Variants in ADAMTS17 observed in about 807,000 individuals in gnomAD.
ADAMTS17 encodes A disintegrin and metalloproteinase with thrombospondin motifs 17.
In ADAMTS17, 113 loss-of-function variants were observed where a neutral mutation model predicts 141.5. That is an observed-to-expected ratio of 0.80 (90% confidence interval 0.69 to 0.93). ADAMTS17 has a LOEUF of 0.93. Among genes scored for constraint, ADAMTS17 ranks in the 40% least tolerant of loss-of-function variants. The probability of loss-of-function intolerance (pLI) is 0.00; values close to 1 mark genes in which losing one functional copy is unlikely to be tolerated. For missense variants in ADAMTS17, 1,659 were observed against 1,517.9 expected, an observed-to-expected ratio of 1.09 and a Z score of -1.54; for synonymous variants, 768 against 630.6, an observed-to-expected ratio of 1.22 and a Z score of -3.27.
chr15:100,334,351 C>A (rs2046143829), intron 2 of ADAMTS17, among the ~76,000 whole-genome samples: 1 of 152,200 alleles, frequency 6.6e-6, no homozygotes, highest in Non-Finnish European at 1.5e-5. Context: ...TCCACAAAGA[C>A]CGCAATGGAA....
Position 100,034,392 on chromosome 15 carries a change from C to T in ADAMTS17, c.2591+14465G>A, listed in dbSNP as rs528063180. On this transcript the variant is annotated intron_variant, in intron 18 of 21. Coordinates refer to ENST00000268070, the MANE Select transcript of ADAMTS17 (RefSeq NM_139057.4). ...GTGCTGTGGGAGGCAGTGCTGTGACCGTGGTCACTGTGTACACAGTGCAGA... is the reference window on the plus strand; with the variant it reads ...GTGCTGTGGGAGGCAGTGCTGTGACTGTGGTCACTGTGTACACAGTGCAGA... 2.3e-4 allele frequency among the ~76,000 whole-genome samples: 35 copies of T among 152,318 alleles called. No individual in the cohort carries two copies. In the South Asian group the frequency reaches 6.2e-3, roughly 27 times the overall value.
At chr15:99,986,456 G>A (rs1222772972) in intron 20 of ADAMTS17, among the ~76,000 whole-genome samples, 7 of 152,100 alleles carry the variant, frequency 4.6e-5, no homozygotes, top group South Asian at 2.1e-4. Flanking sequence ...CATTTGATTC[G>A]AAAGGCCTCT....
At chr15:100,299,818 A>C (rs1322864851) in intron 3 of ADAMTS17, among the ~76,000 whole-genome samples, 1 of 151,956 alleles carries the variant, frequency 6.6e-6, no homozygotes, top group Non-Finnish European at 1.5e-5. Context: ...CTTTAACACA[A>C]AGCCACCTCT....
chr15:100,123,593 A>G (rs568352235), intron 12 of ADAMTS17, among the ~76,000 whole-genome samples: 2 of 152,232 alleles, frequency 1.3e-5, no homozygotes, highest in Non-Finnish European at 2.9e-5. Flanking sequence ...TCACATAAAC[A>G]GTGATCATAA....
intron 15 of ADAMTS17, among the ~76,000 whole-genome samples, chr15:100,073,581 C>T (rs986172607): frequency 2.0e-5 from 3 of 151,686 alleles, no homozygotes; most frequent in African/African-American, 7.3e-5. Flanking sequence ...TACTATGCAG[C>T]CATAAAAAAT....
chr15:100,318,828 C>T (rs2045643078), intron 3 of ADAMTS17, among the ~76,000 whole-genome samples: 1 of 152,366 alleles, frequency 6.6e-6, no homozygotes, highest in African/African-American at 2.4e-5. Context: ...TGTTAACCTA[C>T]AACACGGAGA....
At chr15:100,150,874 T>C (rs1003001907) in intron 10 of ADAMTS17, among the ~76,000 whole-genome samples, 2 of 152,024 alleles carry the variant, frequency 1.3e-5, no homozygotes, top group Non-Finnish European at 2.9e-5. Context: ...CCACACAATC[T>C]CATGCTGTCT....
chr15:100,221,143 G>GT lies in ADAMTS17; in HGVS notation c.1076-21721dup, dbSNP rs147404775. On this transcript the variant is annotated intron_variant, in intron 7 of 21. Transcript: ENST00000268070. ...CAGTTTGACGGGCAAACGCTTATGT[G>GT]TTTTTTTTTTAAACAGTGACACCTA... is the stretch of plus-strand genomic sequence containing the variant. Among the ~76,000 whole-genome samples the GT allele has an allele frequency of 3.5e-3, 526 of 149,130 alleles. 2 individuals are homozygous for GT. The highest frequency in any genetic ancestry group is 0.01 in the Middle Eastern group (3 of 288).
intron 6 of ADAMTS17, 146 bp downstream of exon 6, chr15:100,261,333 A>T (rs2043508867): frequency 9.9e-7 from 1 of 1,007,698 alleles, no homozygotes; most frequent in Non-Finnish European, 1.5e-6. Flanking sequence ...GTTAACCCCC[A>T]CTTACTAATG....
chr15:100,262,602 T>G (rs1288355662), intron 4 of ADAMTS17, among the ~76,000 whole-genome samples, 167 bp from the exon 5 acceptor site: 2 of 152,110 alleles, frequency 1.3e-5, no homozygotes, highest in Non-Finnish European at 2.9e-5. Context: ...ATTGGTGCAT[T>G]AATTACAAGA....
chr15:100,171,742 C>T (rs951225548), intron 8 of ADAMTS17, among the ~76,000 whole-genome samples: 18 of 152,170 alleles, frequency 1.2e-4, no homozygotes, highest in Admixed American at 9.8e-4. Context: ...CCAGAACCTC[C>T]CGGCAGCCTG....
chr15:99,976,519 T>G, intron 20 of ADAMTS17: 1 of 566,052 alleles, frequency 1.8e-6, no homozygotes, highest in Admixed American at 3.0e-5. Context: ...AGCTGCCTGA[T>G]AGAAGACTGT....
chr15:100,212,926 C>T (rs376022112), intron 7 of ADAMTS17, among the ~76,000 whole-genome samples: 2 of 151,772 alleles, frequency 1.3e-5, no homozygotes, highest in Non-Finnish European at 2.9e-5. Flanking sequence ...ATCAGGTGCA[C>T]GCATTTAATT....
chr15:100,112,354 C>T (rs946011145), intron 13 of ADAMTS17, among the ~76,000 whole-genome samples: 3 of 152,130 alleles, frequency 2.0e-5, no homozygotes, highest in Non-Finnish European at 4.4e-5. Context: ...GGCTTCCCTT[C>T]CCTGCTCAGC....
chr15:100,065,854 A>G (rs1457209599), intron 15 of ADAMTS17, among the ~76,000 whole-genome samples: 1 of 152,076 alleles, frequency 6.6e-6, no homozygotes, highest in East Asian at 1.9e-4. Context: ...TATTTGTCCT[A>G]ATGCTCTCCC....
chr15:100,013,600 C>T (rs192103353), intron 18 of ADAMTS17, among the ~76,000 whole-genome samples: 7 of 152,222 alleles, frequency 4.6e-5, no homozygotes, highest in East Asian at 3.9e-4. Flanking sequence ...TAAAGCGATG[C>T]GGGATTTTGT....
chr15:100,203,677 C>G (rs2041425505), intron 7 of ADAMTS17, among the ~76,000 whole-genome samples: 1 of 152,100 alleles, frequency 6.6e-6, no homozygotes, highest in African/African-American at 2.4e-5. Context: ...TGCACTCCAG[C>G]CTGAGAGACA....
chr15:100,221,965 C>T (rs2042147982), intron 7 of ADAMTS17, among the ~76,000 whole-genome samples: 2 of 152,160 alleles, frequency 1.3e-5, no homozygotes, highest in Admixed American at 6.5e-5. Flanking sequence ...CTGAGGGCCT[C>T]GAGGCCATCA....
chr15:100,226,108 T>G (rs1226556788), intron 7 of ADAMTS17, among the ~76,000 whole-genome samples: 1 of 148,998 alleles, frequency 6.7e-6, no homozygotes, highest in Non-Finnish European at 1.5e-5. Flanking sequence ...TCACGGTCTC[T>G]GTGCCATTCA....
Sources: gnomAD v4.1 joint callset for allele counts (sites outside exome capture counted in the v4.1 genomes callset) on GRCh38, gnomAD v4.1.1 for gene constraint, MANE v1.5 for transcripts, NCBI Gene and HGNC (gene_info 2026-07-23, HGNC 2026-07-21) for gene names.